PDE7B: variants seen among roughly 807,000 people sequenced by gnomAD.
The protein encoded by PDE7B is phosphodiesterase 7B, also known as 3',5'-cyclic-AMP phosphodiesterase 7B.
A neutral mutation model predicts 56.2 loss-of-function variants in PDE7B; 29 were observed. The ratio of observed to expected loss-of-function variants is 0.52; its 90% CI spans 0.38 to 0.70. PDE7B has a LOEUF of 0.70. Ranked by LOEUF, PDE7B falls within the 30% of genes least tolerant of loss-of-function variation. The pLI is 0.00. For missense variants in PDE7B, 490 were observed against 565.0 expected, an observed-to-expected ratio of 0.87 and a Z score of 1.35; for synonymous variants, 197 against 196.9, an observed-to-expected ratio of 1.00 and a Z score of 0.00.
At chr6:136,123,795 T>C (rs186818435) in intron 3 of PDE7B, among the ~76,000 whole-genome samples, 258 of 152,358 alleles carry the variant, frequency 1.7e-3, no homozygotes, top group Non-Finnish European at 2.8e-3. Context: ...AGCTTTCTTA[T>C]TGTTGCAATT....
intron 1 of PDE7B, among the ~76,000 whole-genome samples, chr6:135,877,357 CCTT>C: frequency 9.0e-6 from 1 of 111,512 alleles, no homozygotes; most frequent in African/African-American, 3.9e-5. Context: ...TTTACACATT[CCTT>C]TTTTTTTTTT....
chr6:135,907,630 T>G (rs12189966), intron 1 of PDE7B, among the ~76,000 whole-genome samples: 49,718 of 151,782 alleles, frequency 0.33, 9,150 homozygotes, highest in Middle Eastern at 0.44. Context: ...CAACATTAAC[T>G]GTTTCTATAT....
chr6:135,903,036 G>A (rs1776033789), intron 1 of PDE7B, among the ~76,000 whole-genome samples: 2 of 152,114 alleles, frequency 1.3e-5, no homozygotes, highest in South Asian at 4.2e-4. Context: ...TAACCACAAT[G>A]CTATCTAGAT....
At chr6:135,980,719 C>G (rs1208923755) in intron 2 of PDE7B, among the ~76,000 whole-genome samples, 2 of 148,644 alleles carry the variant, frequency 1.3e-5, no homozygotes, top group Non-Finnish European at 3.0e-5. Flanking sequence ...AAATGCAAAT[C>G]AAAACCACAA....
chr6:136,108,802 C>T lies in PDE7B; in HGVS notation c.154C>T (p.Arg52Cys), dbSNP rs775390216. The change falls in exon 3 of 13, where the codon CGC (arginine) becomes TGC (cysteine). Residue 52 changes from arginine (R) to cysteine (C), a missense_variant. Physicochemically the swap from Arg to Cys is radical, Grantham distance 180. Coordinates refer to ENST00000308191, the MANE Select transcript of PDE7B (RefSeq NM_018945.4). ...RRGSYPFIDF[R>C]LLNSTTYSGE... ...TGGCTCCTACCCATTCATTGACTTCCGCCTACTTAACAGTGAGTAATCAAG... is the reference window on the plus strand; with the variant it reads ...TGGCTCCTACCCATTCATTGACTTCTGCCTACTTAACAGTGAGTAATCAAG... 1.2e-5 allele frequency: 19 copies of T among 1,595,034 alleles called. No individual in the cohort carries two copies. In the Admixed American group the frequency reaches 1.3e-4, roughly 11 times the overall value.
chr6:135,948,637 T>C, intron 2 of PDE7B, among the ~76,000 whole-genome samples: 1 of 152,120 alleles, frequency 6.6e-6, no homozygotes, highest in Non-Finnish European at 1.5e-5. Flanking sequence ...TACTGATTTT[T>C]AAATCTCTCT....
At chr6:136,110,466 A>G (rs1463436141) in intron 3 of PDE7B, among the ~76,000 whole-genome samples, 3 of 152,162 alleles carry the variant, frequency 2.0e-5, no homozygotes, top group African/African-American at 7.2e-5. Flanking sequence ...TCCCATTTTG[A>G]AAGTCGGAGG....
At chr6:136,128,895 C>A (rs914292291) in intron 3 of PDE7B, among the ~76,000 whole-genome samples, 2 of 152,172 alleles carry the variant, frequency 1.3e-5, no homozygotes, top group Non-Finnish European at 1.5e-5. Context: ...CTGCTCCCCC[C>A]AAAGCCACCA....
At chr6:135,881,427 G>C (rs1292789799) in intron 1 of PDE7B, among the ~76,000 whole-genome samples, 1 of 151,880 alleles carries the variant, frequency 6.6e-6, no homozygotes. Flanking sequence ...AGAATCACTT[G>C]AACCTGGGAG....
intron 2 of PDE7B, among the ~76,000 whole-genome samples, chr6:135,987,250 G>A (rs908020442): frequency 2.6e-5 from 4 of 152,110 alleles, no homozygotes; most frequent in South Asian, 2.1e-4. Flanking sequence ...CAGCTCAGGC[G>A]AAAGCTGTTC....
chr6:135,940,419 T>A (rs1774488450), intron 1 of PDE7B, among the ~76,000 whole-genome samples: 1 of 152,180 alleles, frequency 6.6e-6, no homozygotes, highest in African/African-American at 2.4e-5. Flanking sequence ...TCATTTTGTA[T>A]CCACACTCAT....
At position 136,154,083 on chromosome 6, in the gene PDE7B, CAAG is replaced by C; in HGVS notation, c.492_494del (p.Glu164del). ...ATCTGTTTACCTCCCAGTCATGGTT[CAAG>C]AAGATTACCACAGCCAAAACCCGTA... is the stretch of plus-strand genomic sequence containing the variant. On this transcript the variant is annotated inframe_deletion, in exon 7 of 13. Coordinates refer to ENST00000308191, the MANE Select transcript of PDE7B (RefSeq NM_018945.4). 1 of 1,612,466 alleles carries C rather than the reference CAAG, an allele frequency of 6.2e-7. No individual in the cohort carries two copies. The highest frequency in any genetic ancestry group is 8.5e-7 in the Non-Finnish European group (1 of 1,178,608).
intron 3 of PDE7B, among the ~76,000 whole-genome samples, chr6:136,113,874 G>A (rs528270198): frequency 4.7e-4 from 71 of 152,332 alleles, no homozygotes; most frequent in African/African-American, 1.7e-3. Context: ...TCAGCAGCCT[G>A]AGTAGATAAT....
At chr6:135,995,156 G>A (rs1775542209) in intron 2 of PDE7B, among the ~76,000 whole-genome samples, 1 of 152,002 alleles carries the variant, frequency 6.6e-6, no homozygotes, top group Non-Finnish European at 1.5e-5. Context: ...AATCCTACAG[G>A]CCTCCAGGCC....
rs535654041 is a variant in PDE7B, at chr6:136,188,748, T to C, written c.1126+1632T>C. Among the ~76,000 whole-genome samples the C allele has an allele frequency of 1.8e-4, 27 of 152,260 alleles. 1 individual carries two copies. The South Asian group carries it at 3.7e-3, about 21-fold the overall frequency. ...TGTCCTGATTTTCAGCTCAGGAAAA[T>C]GTGGTTACCATAGATACCTCTTTTA... On this transcript the variant is annotated intron_variant, in intron 12 of 12. Transcript: ENST00000308191.
chr6:135,961,283 G>GTGTGTGTGTGTGTGTGTGTGTGTGTGTA (rs1774897241), intron 2 of PDE7B, among the ~76,000 whole-genome samples: 1 of 104,312 alleles, frequency 9.6e-6, no homozygotes, highest in African/African-American at 3.8e-5. Context: ...GTGTGTGTAT[G>GTGTGTGTGTGTGTGTGTGTGTGTGTGTA]TGTGTGTGTG....
rs1393204586 is a variant in PDE7B, at chr6:136,131,502, T to TTTTG, written c.167-15846_167-15845insGTTT. On this transcript the variant is annotated intron_variant, in intron 3 of 12. Coordinates refer to ENST00000308191, the MANE Select transcript of PDE7B (RefSeq NM_018945.4). ...CCTGTGCATCCTGGCAGGTTTTTTT[T>TTTTG]TTTTTTTTTTTTTTTTTGAGCCGCC... Among the ~76,000 whole-genome samples, 36 of 146,198 alleles carry TTTTG rather than the reference T, an allele frequency of 2.5e-4. No individual in the cohort carries two copies. In the East Asian group the frequency reaches 4.2e-3, roughly 17 times the overall value.
intron 1 of PDE7B, among the ~76,000 whole-genome samples, chr6:135,880,952 A>G (rs925322454): frequency 7.9e-5 from 12 of 151,700 alleles, no homozygotes; most frequent in Non-Finnish European, 1.6e-4. Flanking sequence ...TGAAGAGAAA[A>G]CTCTTTTTCT....
intron 3 of PDE7B, among the ~76,000 whole-genome samples, chr6:136,123,310 A>T (rs1011855596): frequency 6.6e-6 from 1 of 152,226 alleles, no homozygotes; most frequent in East Asian, 1.9e-4. Flanking sequence ...GAGCTGGAAG[A>T]TACCAACTCT....
Sources: allele counts gnomAD v4.1 joint callset (sites outside exome capture counted in the v4.1 genomes callset), GRCh38; gene constraint gnomAD v4.1.1; transcripts MANE v1.5; gene names NCBI Gene and HGNC (gene_info 2026-07-23, HGNC 2026-07-21).